Variants in IGSF10 observed in about 807,000 individuals in gnomAD.
The protein encoded by IGSF10 is immunoglobulin superfamily member 10, also known as calvaria mechanical force protein 608.
Under a neutral mutation model 128.2 loss-of-function variants are expected in IGSF10, and 126 were observed. The observed-to-expected ratio is 0.98, with a 90% CI of 0.85 to 1.14. The LOEUF is 1.14. IGSF10 is among the 50% of genes most tolerant of loss of function. IGSF10 has a pLI of 0.00. For missense variants in IGSF10, 3,295 were observed against 3,149.8 expected, an observed-to-expected ratio of 1.05 and a Z score of -1.10; for synonymous variants, 1,185 against 1,146.2, an observed-to-expected ratio of 1.03 and a Z score of -0.68.
the IGSF10 span, among the ~76,000 whole-genome samples, chr3:151,604,936 A>C: frequency 6.6e-6 from 1 of 152,182 alleles, no homozygotes; most frequent in African/African-American, 2.4e-5. Context: ...GTTTGAAGAC[A>C]ACTTCTTGAA....
rs1465808514 is a variant in IGSF10, at chr3:151,443,434, A to G, written c.5513T>C (p.Ile1838Thr). 2 of 1,614,110 alleles carry G rather than the reference A, an allele frequency of 1.2e-6. No individual in the cohort carries two copies. Among genetic ancestry groups the G allele is most frequent in the East Asian group, 2.2e-5 (1 of 44,900 alleles). The change falls in exon 7 of 8, where the codon ATT (isoleucine) becomes ACT (threonine). Residue 1838 changes from isoleucine (I) to threonine (T), a missense_variant. Ile to Thr is a moderately conservative substitution (Grantham distance 89, BLOSUM62 -1). Transcript: ENST00000282466. The stretch of plus-strand genomic sequence containing the variant: ...CTCTAGAATAACAGGTGGTGCTGCA[A>G]TGACTTGTATTTTAACCAGCAGTGA... ...QDSLLVKIQV[I>T]AAPPVILEQR...
At chr3:151,474,102 C>G in the IGSF10 span, among the ~76,000 whole-genome samples, 240 of 152,076 alleles carry the variant, frequency 1.6e-3, 3 homozygotes, top group Non-Finnish European at 9.9e-4. Flanking sequence ...TGGGTAAAAG[C>G]TACTCTCTGA....
At chr3:151,435,870 T>TAAAG (rs1232768553), downstream of IGSF10, 6 of 151,798 alleles carry the variant, frequency 4.0e-5, no homozygotes, top group South Asian at 2.1e-4. Context: ...TCCCATCCCA[T>TAAAG]AAAGAATTAA....
chr3:151,555,759 G>C, the IGSF10 span, among the ~76,000 whole-genome samples: 1 of 152,310 alleles, frequency 6.6e-6, no homozygotes, highest in East Asian at 1.9e-4. Flanking sequence ...ACAATGTGCA[G>C]CTCTCTGCAG....
the IGSF10 span, among the ~76,000 whole-genome samples, chr3:151,520,025 A>G: frequency 1.3e-5 from 2 of 151,718 alleles, no homozygotes; most frequent in African/African-American, 4.8e-5. Context: ...TTCTAATCCA[A>G]CTTTTGGTTC....
chr3:151,556,588 G>A, the IGSF10 span, among the ~76,000 whole-genome samples: 2 of 151,380 alleles, frequency 1.3e-5, no homozygotes, highest in Non-Finnish European at 3.0e-5. Flanking sequence ...GAGTAAGGAA[G>A]AGAGAGAGAG....
At chr3:151,458,317 G>T (rs1357188539) in intron 3 of IGSF10, among the ~76,000 whole-genome samples, 199 bp downstream of exon 3, 1 of 152,062 alleles carries the variant, frequency 6.6e-6, no homozygotes, top group Admixed American at 6.6e-5. Flanking sequence ...AATTCTAGAA[G>T]AACTTTCTCC....
At chr3:151,540,929 C>T in the IGSF10 span, among the ~76,000 whole-genome samples, 40 of 152,272 alleles carry the variant, frequency 2.6e-4, no homozygotes, top group Non-Finnish European at 5.1e-4. Flanking sequence ...CTCAGTTTTT[C>T]ACTGTTGAAC....
At chr3:151,524,596 A>C in the IGSF10 span, among the ~76,000 whole-genome samples, 1 of 152,130 alleles carries the variant, frequency 6.6e-6, no homozygotes, top group Non-Finnish European at 1.5e-5. Flanking sequence ...GTGAACCCAA[A>C]GAAGGAAACA....
chr3:151,589,997 G>T, the IGSF10 span, among the ~76,000 whole-genome samples: 2 of 151,972 alleles, frequency 1.3e-5, no homozygotes, highest in Non-Finnish European at 2.9e-5. Context: ...TTGGAAACTG[G>T]TTTTGGGAAA....
Position 151,436,952 on chromosome 3 carries a change from T to C in IGSF10, c.7609A>G (p.Ser2537Gly). Residue 2537 changes from serine to glycine, a missense_variant, in exon 8 of 8, where the codon AGT becomes GGT. Ser to Gly is a moderately conservative substitution (Grantham distance 56, BLOSUM62 0). Transcript: ENST00000282466. ...PPRITNRPPR[S>G]IVTRTGAAFQ... ...GCTGCCCCTGTCCTGGTGACAATAC[T>C]CCTGGGTGGACGATTTGTAATTCGG... The C allele has an allele frequency of 6.2e-7, 1 of 1,614,176 alleles. No individual in the cohort carries two copies. Among genetic ancestry groups the C allele is most frequent in the Non-Finnish European group, 8.5e-7 (1 of 1,180,008 alleles).
chr3:151,554,014 C>T, the IGSF10 span, among the ~76,000 whole-genome samples: 8 of 151,752 alleles, frequency 5.3e-5, no homozygotes, highest in South Asian at 1.3e-3. Context: ...GACACAGTGG[C>T]GTACTCCTGT....
At chr3:151,509,407 G>A in the IGSF10 span, among the ~76,000 whole-genome samples, 2 of 152,202 alleles carry the variant, frequency 1.3e-5, no homozygotes, top group African/African-American at 4.8e-5. Flanking sequence ...AAGGACAGCA[G>A]TCCAATGTTA....
chr3:151,607,912 G>GAA, the IGSF10 span, among the ~76,000 whole-genome samples: 7 of 42,064 alleles, frequency 1.7e-4, no homozygotes, highest in Non-Finnish European at 2.8e-4. Context: ...CTCCATCTCG[G>GAA]AAAAAAAAAA....
the IGSF10 span, among the ~76,000 whole-genome samples, chr3:151,598,070 G>GGGGTGT: frequency 7.3e-6 from 1 of 137,686 alleles, no homozygotes; most frequent in Non-Finnish European, 1.6e-5. Flanking sequence ...AATGAGTACT[G>GGGGTGT]GTGTGTGTGT....
chr3:151,447,995 G>T lies in IGSF10; in HGVS notation c.1986C>A (p.Val662=). ...GVDFLIFQVS[V]KMKGQRPLEH... ...CCAAGGGCCTTTGTCCTTTCATCTT[G>T]ACTGAAACTTGGAAAATCAAAAAAT... The change falls in exon 6 of 8, where the codon GTC becomes GTA. Residue 662 remains valine (V), a synonymous_variant. Coordinates refer to ENST00000282466, the MANE Select transcript of IGSF10 (RefSeq NM_178822.5). The T allele has an allele frequency of 6.2e-7, 1 of 1,614,114 alleles. No homozygotes were observed. The highest frequency in any genetic ancestry group is 1.1e-5 in the South Asian group (1 of 91,068).
rs76693106 is a variant in IGSF10, at chr3:151,439,900, G to A, written c.5964-1303C>T. On this transcript the variant is annotated intron_variant, in intron 7 of 7. Coordinates refer to ENST00000282466, the MANE Select transcript of IGSF10 (RefSeq NM_178822.5). ...ATCAGGGATACCTATATGAGAAAACGTCTTTCTTATTTTTGGGCAACATGG... is the reference window on the plus strand; with the variant it reads ...ATCAGGGATACCTATATGAGAAAACATCTTTCTTATTTTTGGGCAACATGG... Among the ~76,000 whole-genome samples the A allele has an allele frequency of 6.9e-3, 1,058 of 152,280 alleles. 18 individuals carry two copies. Among genetic ancestry groups the A allele is most frequent in the African/African-American group, 0.024 (988 of 41,566 alleles).
the IGSF10 span, among the ~76,000 whole-genome samples, chr3:151,597,004 C>CG: frequency 2.6e-5 from 4 of 150,982 alleles, no homozygotes; most frequent in Admixed American, 6.6e-5. Context: ...TCTGAGTTTC[C>CG]GGGGTTTTTT....
rs376403738 is a variant in IGSF10 at position 151,457,108 on chromosome 3, G to T, written c.242C>A (p.Thr81Asn). ...RLMETDFSGL[T>N]KLELLMLHSN... ...GTGAAGCATGAGTAACTCCAGTTTG[G>T]TCAGGCCAGAAAAATCTGTTTCCAT... Residue 81 changes from threonine to asparagine, a missense_variant, in exon 4 of 8, where the codon ACC becomes AAC. By Grantham distance (65) the Thr-to-Asn change is moderately conservative (BLOSUM62 0). Coordinates refer to ENST00000282466, the MANE Select transcript of IGSF10 (RefSeq NM_178822.5). The T allele has an allele frequency of 6.8e-6, 11 of 1,613,948 alleles. No individual in the cohort carries two copies. The highest frequency in any genetic ancestry group is 1.3e-5 in the African/African-American group (1 of 74,910).
Sources: gnomAD v4.1 joint callset for allele counts (sites outside exome capture counted in the v4.1 genomes callset) on GRCh38, gnomAD v4.1.1 for gene constraint, MANE v1.5 for transcripts, NCBI Gene and HGNC (gene_info 2026-07-23, HGNC 2026-07-21) for gene names.